Variants in CD8B observed in about 807,000 individuals in gnomAD.
CD8B encodes the protein T-cell surface glycoprotein CD8 beta chain.
Under a neutral mutation model 24.2 loss-of-function variants are expected in CD8B, and 6 were observed. That is an observed-to-expected ratio of 0.25 (90% confidence interval 0.14 to 0.49). The LOEUF (loss-of-function observed/expected upper bound fraction) is 0.49. Among genes scored for constraint, CD8B ranks in the 20% least tolerant of loss-of-function variants. The probability of loss-of-function intolerance (pLI) is 0.98; values close to 1 mark genes in which losing one functional copy is unlikely to be tolerated. For synonymous variants in CD8B, 84 were observed against 108.3 expected, an observed-to-expected ratio of 0.78 and a Z score of 1.39; for missense variants, 196 against 271.3, an observed-to-expected ratio of 0.72 and a Z score of 1.95.
chr2:86,860,833 C>A lies in CD8B; in HGVS notation c.43+990G>T, dbSNP rs1386528703. ...CATTTCCTCTCCTGGCTGAGACACA[C>A]CCCGGCTCTTCCCGGGGCCCACTTG... On this transcript the variant is annotated intron_variant, in intron 1 of 5. Coordinates refer to ENST00000390655, the MANE Select transcript of CD8B (RefSeq NM_004931.5). 4.6e-5 allele frequency among the ~76,000 whole-genome samples: 7 copies of A among 152,156 alleles called. No homozygotes were observed. In the South Asian group the frequency reaches 1.2e-3, roughly 27 times the overall value.
chr2:86,826,285 G>A (rs1300877886), intron 5 of CD8B, among the ~76,000 whole-genome samples: 3 of 152,028 alleles, frequency 2.0e-5, no homozygotes, highest in South Asian at 2.1e-4. Flanking sequence ...GTTGTGTGGC[G>A]GGTGATGCAG....
At chr2:86,853,292 T>C (rs571650834) in intron 2 of CD8B, among the ~76,000 whole-genome samples, 236 of 151,480 alleles carry the variant, frequency 1.6e-3, no homozygotes, top group African/African-American at 5.5e-3. Flanking sequence ...AAATAAAAAG[T>C]TTAGCCAGGC....
intron 5 of CD8B, among the ~76,000 whole-genome samples, chr2:86,843,224 C>T (rs1427864478): frequency 6.8e-6 from 1 of 146,670 alleles, no homozygotes; most frequent in African/African-American, 2.8e-5. Flanking sequence ...TCTCGAGTAG[C>T]TGGGATTACA....
intron 4 of CD8B, among the ~76,000 whole-genome samples, chr2:86,846,136 G>T (rs1017048421): frequency 6.6e-6 from 1 of 152,334 alleles, no homozygotes; most frequent in East Asian, 1.9e-4. Context: ...GCTTGGGGTG[G>T]GGGCCATAGA....
At chr2:86,824,529 T>C (rs1674602507) in intron 5 of CD8B, among the ~76,000 whole-genome samples, 1 of 152,134 alleles carries the variant, frequency 6.6e-6, no homozygotes, top group African/African-American at 2.4e-5. Flanking sequence ...AATGAGCAGA[T>C]GAAAAGAGAA....
intron 5 of CD8B, among the ~76,000 whole-genome samples, chr2:86,823,543 G>A (rs919224985): frequency 2.0e-5 from 3 of 152,126 alleles, no homozygotes; most frequent in Non-Finnish European, 2.9e-5. Flanking sequence ...GCCTTTCAAA[G>A]TGCTGAGATT....
chr2:86,848,707 T>TATTTATTTATTTA (rs1477995131), intron 3 of CD8B, among the ~76,000 whole-genome samples: 174 of 77,712 alleles, frequency 2.2e-3, no homozygotes, highest in South Asian at 6.1e-3. Context: ...TTAAATTATT[T>TATTTATTTATTTA]ATTTATTTAT....
Position 86,838,676 on chromosome 2 carries a change from A to T in CD8B, c.*3631T>A, listed in dbSNP as rs888704973. ...ACCATGCCCAGAAAAAAATTTAAAA[A>T]TTTTTTGTAGAGTCGAGGTCTTGCT... On this transcript the variant is annotated 3_prime_UTR_variant, in exon 6 of 6. Coordinates refer to ENST00000390655, the MANE Select transcript of CD8B (RefSeq NM_004931.5). Among the ~76,000 whole-genome samples the T allele has an allele frequency of 5.7e-4, 87 of 152,104 alleles. 1 individual carries two copies. The highest frequency in any genetic ancestry group is 6.8e-3 in the Middle Eastern group (2 of 294).
At chr2:86,851,584 C>G (rs1675977398) in intron 3 of CD8B, among the ~76,000 whole-genome samples, 1 of 152,200 alleles carries the variant, frequency 6.6e-6, no homozygotes, top group South Asian at 2.1e-4. Context: ...CAGCTTCCCA[C>G]CCTGGTCTCC....
At chr2:86,836,083 A>G (rs1336759828), downstream of CD8B, among the ~76,000 whole-genome samples, 4 of 143,296 alleles carry the variant, frequency 2.8e-5, no homozygotes, top group Non-Finnish European at 4.6e-5. Flanking sequence ...AAACATCCCG[A>G]GTGGTCCTCA....
At chr2:86,817,741 A>C (rs1455061111) in intron 5 of CD8B, among the ~76,000 whole-genome samples, 1 of 152,204 alleles carries the variant, frequency 6.6e-6, no homozygotes, top group Non-Finnish European at 1.5e-5. Flanking sequence ...TTATTGCTTG[A>C]AATAAAAGAC....
At chr2:86,854,789 C>G (rs992171709) in intron 2 of CD8B, among the ~76,000 whole-genome samples, 24 of 150,102 alleles carry the variant, frequency 1.6e-4, no homozygotes, top group African/African-American at 5.9e-4. Flanking sequence ...AACCTAAACT[C>G]TAGAGTCAGG....
intron 3 of CD8B, among the ~76,000 whole-genome samples, chr2:86,851,920 A>G (rs1351905612): frequency 6.6e-6 from 1 of 152,168 alleles, no homozygotes; most frequent in Non-Finnish European, 1.5e-5. Flanking sequence ...ACAAACATGT[A>G]TTCATGAACT....
intron 2 of CD8B, among the ~76,000 whole-genome samples, chr2:86,854,125 AATG>A (rs1469802759): frequency 6.6e-6 from 1 of 152,138 alleles, no homozygotes; most frequent in Non-Finnish European, 1.5e-5. Context: ...CTGCTGAAAT[AATG>A]ATAACTGCCA....
In CD8B at chr2:86,821,556, G is replaced by A. The variant is rs1674471672; in HGVS notation, c.621-5838C>T. Among the ~76,000 whole-genome samples the A allele has an allele frequency of 4.6e-5, 7 of 152,322 alleles. No homozygotes were observed. In the South Asian group the frequency reaches 1.5e-3, roughly 32 times the overall value. On this transcript the variant is annotated intron_variant, in intron 5 of 5. Transcript: ENST00000331469. ...GGGGCTCCTTCAGGCCCTGGGCCAAGTTGGGGCACAGGCCGAGTTCGGTTG... is the reference window on the plus strand; with the variant it reads ...GGGGCTCCTTCAGGCCCTGGGCCAAATTGGGGCACAGGCCGAGTTCGGTTG...
At position 86,840,272 on chromosome 2, in the gene CD8B, C is replaced by G. The variant is rs1024697416; in HGVS notation, c.*2035G>C. On this transcript the variant is annotated 3_prime_UTR_variant, in exon 6 of 6. Coordinates refer to ENST00000390655, the MANE Select transcript of CD8B (RefSeq NM_004931.5). ...ATCTGAGGCCAATTTGTGCTGACTT[C>G]TCAAAGCTGGAGCAAACGGAAAACA... Among the ~76,000 whole-genome samples the G allele has an allele frequency of 1.3e-5, 2 of 152,004 alleles. No individual in the cohort carries two copies. Among genetic ancestry groups the G allele is most frequent in the African/African-American group, 4.8e-5 (2 of 41,354 alleles).
chr2:86,825,002 A>G (rs1322056741), intron 5 of CD8B, among the ~76,000 whole-genome samples: 1 of 152,208 alleles, frequency 6.6e-6, no homozygotes, highest in East Asian at 1.9e-4. Flanking sequence ...ACAGATTAGT[A>G]TTTCCTGAGG....
chr2:86,838,194 T>C lies in CD8B; in HGVS notation c.*4113A>G, dbSNP rs538263660. Among the ~76,000 whole-genome samples the C allele has an allele frequency of 7.2e-5, 11 of 152,314 alleles. No individual in the cohort carries two copies. In the East Asian group the frequency reaches 2.1e-3, roughly 29 times the overall value. ...TTTTTCCAAACTTTTAATTGCTTTTTCCCCAACTACAAAAGTAATACATGA... is the reference window on the plus strand; with the variant it reads ...TTTTTCCAAACTTTTAATTGCTTTTCCCCCAACTACAAAAGTAATACATGA... On this transcript the variant is annotated 3_prime_UTR_variant, in exon 6 of 6. Transcript: ENST00000390655.
chr2:86,844,976 G>A lies in CD8B; in HGVS notation c.584-18C>T. 3 of 1,557,238 alleles carry A rather than the reference G, an allele frequency of 1.9e-6. No individual in the cohort carries two copies. Among genetic ancestry groups the A allele is most frequent in the Non-Finnish European group, 2.6e-6 (3 of 1,150,166 alleles). ...CCGCCGGCCTGGAAGAGGAAAGCAA[G>A]GGCGCCAGTCAGTGTGGGCTGTGGG... is the stretch of plus-strand genomic sequence containing the variant. On this transcript the variant is annotated intron_variant, in intron 4 of 5. Transcript: ENST00000390655.
Sources: gnomAD v4.1 joint callset for allele counts (sites outside exome capture counted in the v4.1 genomes callset) on GRCh38, gnomAD v4.1.1 for gene constraint, MANE v1.5 for transcripts, NCBI Gene and HGNC (gene_info 2026-07-23, HGNC 2026-07-21) for gene names.